Variants in NID2 observed in about 807,000 individuals in gnomAD.
The protein encoded by NID2 is nidogen 2, also known as nidogen-2.
In NID2, 83 loss-of-function variants were observed where a neutral mutation model predicts 145.4. The observed-to-expected ratio is 0.57, with a 90% CI of 0.48 to 0.69. The LOEUF is 0.69. NID2 is among the 30% of genes least tolerant of loss of function. The probability of loss-of-function intolerance (pLI) is 0.00; values close to 1 mark genes in which losing one functional copy is unlikely to be tolerated. For synonymous variants in NID2, 739 were observed against 701.3 expected (o/e 1.05, Z -0.85); for missense variants, 1,807 against 1,765.7 (o/e 1.02, Z -0.42).
intron 2 of NID2, among the ~76,000 whole-genome samples, chr14:52,065,604 C>T (rs1426780570): frequency 7.9e-6 from 1 of 126,612 alleles, no homozygotes; most frequent in East Asian, 2.4e-4. Flanking sequence ...GCTGCACCCA[C>T]TAACGTGTCA....
chr14:52,057,751 C>T (rs369316194), intron 3 of NID2, among the ~76,000 whole-genome samples: 1 of 131,276 alleles, frequency 7.6e-6, no homozygotes, highest in Admixed American at 7.4e-5. Context: ...TGTAAACAAA[C>T]AAAAAAATGA....
chr14:52,024,004 G>T (rs533546664), intron 12 of NID2, among the ~76,000 whole-genome samples: 2 of 152,314 alleles, frequency 1.3e-5, no homozygotes, highest in South Asian at 4.1e-4. Context: ...CCTATGGAAT[G>T]CCTTTAAATA....
Position 52,067,899 on chromosome 14 carries a change from C to CGCCT in NID2, c.489_492dup (p.Ala165ArgfsTer26). 1 of 1,612,878 alleles carries CGCCT rather than the reference C, an allele frequency of 6.2e-7. No homozygotes were observed. Among genetic ancestry groups the CGCCT allele is most frequent in the African/African-American group, 1.3e-5 (1 of 75,038 alleles). ...GCCCCGCGCTTGACCTCCTCGTAAG[C>CGCCT]GCCTACCTGCTCCCAGGTGGCCAGG... On this transcript the variant is annotated frameshift_variant, in exon 2 of 22. Coordinates refer to ENST00000216286, the MANE Select transcript of NID2 (RefSeq NM_007361.4). LOFTEE classifies it high-confidence loss of function.
intron 12 of NID2, 91 bp from the exon 13 acceptor site, chr14:52,020,269 A>ACC: frequency 6.4e-7 from 1 of 1,563,836 alleles, no homozygotes. Context: ...GGATATGTGG[A>ACC]TCAACACCCA....
At chr14:52,011,122 G>C (rs569620545) in intron 17 of NID2, 75 bp from the exon 18 acceptor site, 36 of 1,461,408 alleles carry the variant, frequency 2.5e-5, no homozygotes, top group Non-Finnish European at 3.8e-6. Flanking sequence ...CCAACGGTCG[G>C]GTGGGCAGGG....
intron 20 of NID2, chr14:52,006,295 A>T (rs1258746126): frequency 2.2e-6 from 1 of 461,696 alleles, no homozygotes; most frequent in Admixed American, 3.7e-5. Context: ...TAGCTTTGCT[A>T]CTTTTTAAGC....
chr14:52,041,761 C>T (rs1892287669), intron 7 of NID2, among the ~76,000 whole-genome samples: 4 of 152,142 alleles, frequency 2.6e-5, no homozygotes, highest in Admixed American at 2.6e-4. Flanking sequence ...CCCAGGTGCC[C>T]CAAGTACCAT....
rs575575240 is a variant in NID2, at chr14:52,031,306, A to G, written c.2258-1616T>C. On this transcript the variant is annotated intron_variant, in intron 9 of 21. Transcript: ENST00000216286. ...TGCTAAAGAAAATTAAGAAAACCCAACAGAACATATTTGAAAGGCAATTCC... is the reference window on the plus strand; with the variant it reads ...TGCTAAAGAAAATTAAGAAAACCCAGCAGAACATATTTGAAAGGCAATTCC... Among the ~76,000 whole-genome samples the G allele has an allele frequency of 3.9e-5, 6 of 152,234 alleles. No homozygotes were observed. In the South Asian group the frequency reaches 1.2e-3, roughly 32 times the overall value.
At chr14:52,016,539 A>G (rs1255310879) in intron 14 of NID2, among the ~76,000 whole-genome samples, 2 of 152,140 alleles carry the variant, frequency 1.3e-5, no homozygotes, top group Non-Finnish European at 1.5e-5. Flanking sequence ...GATATGTCAA[A>G]AACTCTTTTT....
At chr14:52,057,407 A>T (rs1459891860) in intron 3 of NID2, among the ~76,000 whole-genome samples, 1 of 152,172 alleles carries the variant, frequency 6.6e-6, no homozygotes, top group African/African-American at 2.4e-5. Context: ...GACTTACTTT[A>T]AAACATTTAA....
In NID2 at chr14:52,006,534, C is replaced by T. The variant is rs780993502; in HGVS notation, c.4004+3G>A. The T allele has an allele frequency of 6.2e-7, 1 of 1,613,366 alleles. No individual in the cohort carries two copies. The highest frequency in any genetic ancestry group is 1.7e-5 in the Admixed American group (1 of 59,990). Reference sequence around the variant, plus strand: ...AGGCTTGTCCAGAATTTGTGGGGCTCACCTCCTCCAGTCTGTGTGGTAGAA... The same window carrying T: ...AGGCTTGTCCAGAATTTGTGGGGCTTACCTCCTCCAGTCTGTGTGGTAGAA... On this transcript the variant is annotated splice_donor_region_variant and intron_variant, in intron 20 of 21. Transcript: ENST00000216286.
At chr14:52,034,164 G>A (rs1891975893) in intron 9 of NID2, among the ~76,000 whole-genome samples, 1 of 152,044 alleles carries the variant, frequency 6.6e-6, no homozygotes, top group Non-Finnish European at 1.5e-5. Context: ...AAATTCTAAA[G>A]AAAACAAGCA....
chr14:52,037,475 C>T (rs577336536), intron 9 of NID2, among the ~76,000 whole-genome samples: 1 of 152,238 alleles, frequency 6.6e-6, no homozygotes, highest in Non-Finnish European at 1.5e-5. Flanking sequence ...AAGCAATTGA[C>T]TTTTAATGTG....
rs1424260010 is a variant in NID2 at position 52,005,245 on chromosome 14, A to AGTTAAAATTCT, written c.*230_*240dup. ...ACAAGAAGTTGCTTTAATAAGCAAC[A>AGTTAAAATTCT]GTTAAAATTCTGTTACCTTTTTAAA... On this transcript the variant is annotated 3_prime_UTR_variant, in exon 22 of 22. Transcript: ENST00000216286. The AGTTAAAATTCT allele has an allele frequency of 2.9e-5, 11 of 378,812 alleles. No individual in the cohort carries two copies. Among genetic ancestry groups the AGTTAAAATTCT allele is most frequent in the Non-Finnish European group, 5.2e-5 (11 of 213,148 alleles). 23.5% of individuals were successfully genotyped at this position (378,812 alleles called of 1,614,324 possible). A position where few individuals can be genotyped will look rare whatever the true frequency, so the allele number is the denominator to read the frequency against.
At chr14:52,029,282 C>T (rs1203999515) in intron 10 of NID2, among the ~76,000 whole-genome samples, 1 of 152,154 alleles carries the variant, frequency 6.6e-6, no homozygotes, top group African/African-American at 2.4e-5. Context: ...AATTACAAAA[C>T]TTAACTCAAA....
At position 52,019,582 on chromosome 14, in the gene NID2, G is replaced by A. The variant is rs117663230; in HGVS notation, c.2795-288C>T. ...TCTGCCCAACATCCCAAGAGACTCT[G>A]GAGAAAACAAGCCAAAGCTCATTCA... On this transcript the variant is annotated intron_variant, in intron 13 of 21. Transcript: ENST00000216286. Among the ~76,000 whole-genome samples the A allele has an allele frequency of 8.9e-3, 1,361 of 152,264 alleles. 16 individuals carry two copies. Among genetic ancestry groups the A allele is most frequent in the Middle Eastern group, 0.017 (5 of 294 alleles).
chr14:52,068,257 A>C, intron 1 of NID2, 94 bp from the exon 2 acceptor site: 2 of 1,255,836 alleles, frequency 1.6e-6, no homozygotes, highest in Non-Finnish European at 2.3e-6. Context: ...CTTAGGCAAA[A>C]AGCCTCTCTC....
At position 52,006,550 on chromosome 14, in the gene NID2, T is replaced by C; in HGVS notation, c.3991A>G (p.Thr1331Ala). The change falls in exon 20 of 22, where the codon ACA becomes GCA. Residue 1331 changes from threonine to alanine, a missense_variant. Transcript: ENST00000216286. ...TGTGGGGCTCACCTCCTCCAGTCTGTGTGGTAGAAGTGATCTGCATAGCTT... is the reference window on the plus strand; with the variant it reads ...TGTGGGGCTCACCTCCTCCAGTCTGCGTGGTAGAAGTGATCTGCATAGCTT... ...IVSYADHFYH[T>A]DWRRDGVVSV... 6.2e-7 allele frequency: 1 copy of C among 1,613,680 alleles called. No homozygotes were observed. Among genetic ancestry groups the C allele is most frequent in the Non-Finnish European group, 8.5e-7 (1 of 1,179,680 alleles).
intron 3 of NID2, 58 bp downstream of exon 3, chr14:52,060,066 T>C (rs750568394): frequency 1.6e-6 from 2 of 1,239,614 alleles, no homozygotes; most frequent in Non-Finnish European, 2.3e-6. Flanking sequence ...TGTGTTCAGG[T>C]ACTTCCTAAA....
Sources: gnomAD v4.1 joint callset for allele counts (sites outside exome capture counted in the v4.1 genomes callset) on GRCh38, gnomAD v4.1.1 for gene constraint, MANE v1.5 for transcripts, NCBI Gene and HGNC (gene_info 2026-07-23, HGNC 2026-07-21) for gene names.